C1orf185: variants seen among roughly 807,000 people sequenced by gnomAD.
C1orf185 encodes the protein uncharacterized protein C1orf185.
C1orf185 carries 13 observed loss-of-function variants against 16.1 expected under a neutral mutation model. That is an observed-to-expected ratio of 0.81 (90% CI 0.53 to 1.28). C1orf185 has a LOEUF of 1.28. C1orf185 is among the 50% of genes most tolerant of loss of function. The probability of loss-of-function intolerance (pLI) is 0.00; values close to 1 mark genes in which losing one functional copy is unlikely to be tolerated. For synonymous variants in C1orf185, 80 were observed against 76.9 expected (o/e 1.04, Z -0.21); for missense variants, 220 against 225.2 (o/e 0.98, Z 0.15).
downstream of C1orf185, among the ~76,000 whole-genome samples, chr1:51,150,549 A>AC (rs1646425567): frequency 1.3e-5 from 2 of 152,058 alleles, no homozygotes. Flanking sequence ...TTAAAATCTT[A>AC]CTCCATATCA....
intron 3 of C1orf185, among the ~76,000 whole-genome samples, chr1:51,142,161 A>G (rs1570321376): frequency 6.6e-6 from 1 of 152,204 alleles, no homozygotes; most frequent in South Asian, 2.1e-4. Context: ...TCTAAAATCC[A>G]TATTCCATTT....
chr1:51,134,521 CAA>C (rs140822937), intron 3 of C1orf185, among the ~76,000 whole-genome samples: 6,689 of 150,624 alleles, frequency 0.044, 438 homozygotes, highest in African/African-American at 0.14. Flanking sequence ...GAGACACACA[CAA>C]AAAAAAAACA....
intron 3 of C1orf185, among the ~76,000 whole-genome samples, chr1:51,140,943 T>A (rs1003775686): frequency 7.9e-5 from 12 of 152,172 alleles, no homozygotes; most frequent in Admixed American, 7.9e-4. Context: ...TTATTGACTT[T>A]CTTTGTTGTT....
intron 3 of C1orf185, among the ~76,000 whole-genome samples, chr1:51,128,044 C>T (rs1439621825): frequency 4.6e-5 from 7 of 151,956 alleles, no homozygotes; most frequent in African/African-American, 1.7e-4. Context: ...CGTGCCACCA[C>T]GCCCAGCTAA....
intron 2 of C1orf185, among the ~76,000 whole-genome samples, chr1:51,115,034 GT>G (rs1184776566): frequency 6.6e-6 from 1 of 151,936 alleles, no homozygotes; most frequent in Non-Finnish European, 1.5e-5. Flanking sequence ...TTTTATGTCT[GT>G]TTTTTTCACT....
At chr1:51,144,317 A>G (rs946712571) in intron 3 of C1orf185, among the ~76,000 whole-genome samples, 1 of 152,252 alleles carries the variant, frequency 6.6e-6, no homozygotes, top group African/African-American at 2.4e-5. Flanking sequence ...AAAGTAATTT[A>G]TACAGGAGTC....
Position 51,134,532 on chromosome 1 carries a change from C to T in C1orf185, c.259-11192C>T, listed in dbSNP as rs561565404. Among the ~76,000 whole-genome samples, 37 of 145,912 alleles carry T rather than the reference C, an allele frequency of 2.5e-4. 1 individual carries two copies. The highest frequency in any genetic ancestry group is 1.3e-3 in the South Asian group (6 of 4,576). ...GAATGAGACACACACAAAAAAAAAA[C>T]ATTCAAAAGATCAATGAATCCAGGA... On this transcript the variant is annotated intron_variant, in intron 3 of 4. Transcript: ENST00000371759.
chr1:51,130,324 T>C (rs1468791816), intron 3 of C1orf185, among the ~76,000 whole-genome samples: 2 of 151,898 alleles, frequency 1.3e-5, no homozygotes, highest in East Asian at 3.9e-4. Flanking sequence ...CCAACAGTAA[T>C]GTATGAGAGA....
intron 3 of C1orf185, among the ~76,000 whole-genome samples, chr1:51,128,361 A>T (rs770237656): frequency 2.0e-5 from 3 of 152,086 alleles, no homozygotes; most frequent in Non-Finnish European, 4.4e-5. Context: ...TTGCCAACAT[A>T]TGGTGGTGTT....
chr1:51,102,442 T>C (rs894939870), intron 1 of C1orf185, 193 bp downstream of exon 1: 5 of 415,808 alleles, frequency 1.2e-5, no homozygotes, highest in African/African-American at 1.0e-4. Context: ...ATTTTGTAAC[T>C]ACTGATTCAA....
chr1:51,142,247 C>A (rs1023523305), intron 3 of C1orf185, among the ~76,000 whole-genome samples: 1 of 152,200 alleles, frequency 6.6e-6, no homozygotes, highest in Non-Finnish European at 1.5e-5. Context: ...ATCACATTTG[C>A]ATTTAGTTGT....
At chr1:51,112,368 C>G in intron 1 of C1orf185, 96 bp from the exon 2 acceptor site, 1 of 996,182 alleles carries the variant, frequency 1.0e-6, no homozygotes, top group East Asian at 2.8e-5. Context: ...TGTCTTAACA[C>G]TACAACATGC....
At chr1:51,148,900 AG>A (rs150761061), downstream of C1orf185, among the ~76,000 whole-genome samples, 1,543 of 152,342 alleles carry the variant, frequency 0.01, 39 homozygotes, top group African/African-American at 0.036. Flanking sequence ...GCGCTCCAGC[AG>A]CCTGGGCAAC....
At chr1:51,124,533 A>G (rs573423885) in intron 3 of C1orf185, among the ~76,000 whole-genome samples, 16 of 152,354 alleles carry the variant, frequency 1.1e-4, no homozygotes, top group African/African-American at 3.8e-4. Flanking sequence ...TTTGCAGATC[A>G]GGGCTAATTC....
At chr1:51,142,995 C>G (rs2148032689) in intron 3 of C1orf185, among the ~76,000 whole-genome samples, 1 of 152,188 alleles carries the variant, frequency 6.6e-6, no homozygotes, top group South Asian at 2.1e-4. Context: ...AACTCCTGGC[C>G]TCAGGGGATC....
chr1:51,135,470 C>T (rs567414354), intron 3 of C1orf185, among the ~76,000 whole-genome samples: 65 of 151,040 alleles, frequency 4.3e-4, no homozygotes, highest in African/African-American at 1.3e-3. Context: ...ACCCGGAAGG[C>T]GGAGGTTGCA....
chr1:51,133,834 T>C (rs1347188673), intron 3 of C1orf185, among the ~76,000 whole-genome samples: 1 of 152,250 alleles, frequency 6.6e-6, no homozygotes, highest in Non-Finnish European at 1.5e-5. Flanking sequence ...GCACAGTTGC[T>C]CATGCCTGTA....
At chr1:51,118,585 T>A (rs1355707480) in intron 2 of C1orf185, 81 bp from the exon 3 acceptor site, 2 of 875,066 alleles carry the variant, frequency 2.3e-6, no homozygotes, top group Non-Finnish European at 3.2e-6. Context: ...AAGCTTTATG[T>A]ATAAATATTG....
chr1:51,141,240 C>G (rs929116407), intron 3 of C1orf185, among the ~76,000 whole-genome samples: 7 of 152,154 alleles, frequency 4.6e-5, no homozygotes, highest in Non-Finnish European at 1.0e-4. Context: ...CTATAACCCT[C>G]GTACTTTGGG....
Sources: allele counts gnomAD v4.1 joint callset (sites outside exome capture counted in the v4.1 genomes callset), GRCh38; gene constraint gnomAD v4.1.1; transcripts MANE v1.5; gene names NCBI Gene and HGNC (gene_info 2026-07-23, HGNC 2026-07-21).